HSPG2: variants seen among roughly 807,000 people sequenced by gnomAD.
The protein encoded by HSPG2 is heparan sulfate proteoglycan 2, also known as basement membrane-specific heparan sulfate proteoglycan core protein.
Under a neutral mutation model 526.6 loss-of-function variants are expected in HSPG2, and 278 were observed. The ratio of observed to expected loss-of-function variants is 0.53; its 90% CI spans 0.48 to 0.58. The LOEUF (loss-of-function observed/expected upper bound fraction) is 0.58, where lower values mean the gene tolerates loss of function less well. Among genes scored for constraint, HSPG2 ranks in the 20% least tolerant of loss-of-function variants. The pLI, the probability that HSPG2 is intolerant of heterozygous loss-of-function variation, is 0.00. For missense variants in HSPG2, 5,354 were observed against 6,099.5 expected (o/e 0.88, Z 4.07); for synonymous variants, 2,465 against 2,555.4 (o/e 0.96, Z 1.07).
Position 21,823,666 on chromosome 1 carries a change from C to G in HSPG2, c.12953G>C (p.Arg4318Pro), listed in dbSNP as rs142762124. ...QVDGEELVSG[R>P]SPGPNVAVNA... ...GACTGCCACGTTGGGACCTGGGGAC[C>G]GGCCGCTGACCAGCTCCTCACCGTC... Residue 4318 changes from arginine to proline, a missense_variant, in exon 96 of 97, where the codon CGG becomes CCG. Coordinates refer to ENST00000374695, the MANE Select transcript of HSPG2 (RefSeq NM_005529.7). The G allele has an allele frequency of 1.4e-4, 231 of 1,613,548 alleles. No individual in the cohort carries two copies. Among genetic ancestry groups the G allele is most frequent in the Non-Finnish European group, 1.8e-4 (213 of 1,179,958 alleles).
chr1:21,885,992 A>G (rs3753781), intron 9 of HSPG2, among the ~76,000 whole-genome samples: 16,054 of 152,286 alleles, frequency 0.11, 1,007 homozygotes, highest in South Asian at 0.19. Flanking sequence ...CTGGTGACCA[A>G]TGTTCTTCCT....
chr1:21,824,905 G>A lies in HSPG2; in HGVS notation c.12590-126C>T. Reference sequence around the variant, plus strand: ...GGGGGCTCCGAGCCTGCAGTCCCTGGGGACCCACGGGGGCTGCCAACAGAA... The same window carrying A: ...GGGGGCTCCGAGCCTGCAGTCCCTGAGGACCCACGGGGGCTGCCAACAGAA... On this transcript the variant is annotated intron_variant, in intron 91 of 96. Coordinates refer to ENST00000374695, the MANE Select transcript of HSPG2 (RefSeq NM_005529.7). This position sits in a 1 kb window ranked among gnomAD's most constrained non-coding sequence, Gnocchi z 5.9. 1 of 835,212 alleles carries A rather than the reference G, an allele frequency of 1.2e-6. No individual in the cohort carries two copies. Among genetic ancestry groups the A allele is most frequent in the Non-Finnish European group, 2.0e-6 (1 of 497,856 alleles). 51.7% of individuals were successfully genotyped at this position (835,212 alleles called of 1,614,324 possible). A position where few individuals can be genotyped will look rare whatever the true frequency, so the allele number is the denominator to read the frequency against.
Position 21,824,774 on chromosome 1 carries a change from G to A in HSPG2, c.12595C>T (p.Pro4199Ser). ...HLEGSGGNDA[P>S]GQYGAYFHDD... Reference sequence around the variant, plus strand: ...TGGAAATAGGCTCCGTACTGCCCAGGGGCATCTGTGGGAGAGAGGAGGGTG... The same window carrying A: ...TGGAAATAGGCTCCGTACTGCCCAGAGGCATCTGTGGGAGAGAGGAGGGTG... Residue 4199 changes from proline (P) to serine (S), a missense_variant, in exon 92 of 97, where the codon CCT becomes TCT. Transcript: ENST00000374695. This position sits in a 1 kb window ranked among gnomAD's most constrained non-coding sequence, Gnocchi z 5.9. 6.2e-7 allele frequency: 1 copy of A among 1,611,936 alleles called. No homozygotes were observed. The highest frequency in any genetic ancestry group is 1.7e-5 in the Admixed American group (1 of 59,790).
At position 21,823,447 on chromosome 1, in the gene HSPG2, A is replaced by G; in HGVS notation, c.13045T>C (p.Ser4349Pro). 1 of 1,594,078 alleles carries G rather than the reference A, an allele frequency of 6.3e-7. No homozygotes were observed. Residue 4349 changes from serine to proline, a missense_variant, in exon 97 of 97, where the codon TCC (serine) becomes CCC (proline). Transcript: ENST00000374695. The part of the protein sequence containing the change: ...DVATLTGGRF[S>P]SGITGCVKNL... ...TTGACACAGCCTGTGATGCCTGAGG[A>G]GAATCTGCCCCCGGTCAGCGTGGCC...
chr1:21,888,638 G>A lies in HSPG2; in HGVS notation c.575-572C>T, dbSNP rs1449195091. ...CAACCTTAACTTCTCTAGGAACCTG[G>A]CTGGGCCTCGGCCTGGCTTACACTC... On this transcript the variant is annotated intron_variant, in intron 6 of 96. Transcript: ENST00000374695. The A allele has an allele frequency of 2.2e-6, 3 of 1,357,572 alleles. No individual in the cohort carries two copies. In the East Asian group the frequency reaches 1.4e-4, roughly 62 times the overall value. 84.1% of individuals were successfully genotyped at this position (1,357,572 alleles called of 1,614,324 possible).
chr1:21,872,153 C>A lies in HSPG2; in HGVS notation c.4221+33G>T. The stretch of plus-strand genomic sequence containing the variant: ...CGCAGAGGTGAACTCATGTCTGAGT[C>A]ACGGCTGACCCTGGTGCTTGGCTGG... On this transcript the variant is annotated intron_variant, in intron 33 of 96. Transcript: ENST00000374695. This position sits in a 1 kb window ranked among gnomAD's most constrained non-coding sequence, Gnocchi z 5.5. 6.4e-7 allele frequency: 1 copy of A among 1,550,508 alleles called. No homozygotes were observed. Among genetic ancestry groups the A allele is most frequent in the South Asian group, 1.2e-5 (1 of 83,978 alleles).
At chr1:21,899,056 G>A (rs1280971496) in intron 1 of HSPG2, among the ~76,000 whole-genome samples, 1 of 152,100 alleles carries the variant, frequency 6.6e-6, no homozygotes, top group Non-Finnish European at 1.5e-5. Flanking sequence ...AGCACGTCGG[G>A]ACTTGGACAG....
chr1:21,850,974 CTTT>C (rs11431222), intron 55 of HSPG2, among the ~76,000 whole-genome samples: 32 of 140,824 alleles, frequency 2.3e-4, no homozygotes, highest in African/African-American at 3.4e-4. Flanking sequence ...CTGTGAGGTA[CTTT>C]TTTTTTTTTT....
Position 21,875,739 on chromosome 1 carries a change from C to T in HSPG2, c.3192G>A (p.Trp1064Ter). The change falls in exon 25 of 97, where the codon TGG becomes TGA. Residue 1064 changes from tryptophan to a stop codon, truncating the protein, a stop_gained. Coordinates refer to ENST00000374695, the MANE Select transcript of HSPG2 (RefSeq NM_005529.7). LOFTEE classifies it high-confidence loss of function. The stretch of plus-strand genomic sequence containing the variant: ...TGGCTGGCTGCCCATCGGGCCGCTG[C>T]CATGCTTGCTGCCAAGGAGAGGACA... ...TFIVPFREQA[W>*]QRPDGQPATR... is the part of the protein sequence containing the mutation. 1 of 1,605,536 alleles carries T rather than the reference C, an allele frequency of 6.2e-7. No homozygotes were observed.
Position 21,874,719 on chromosome 1 carries a change from G to T in HSPG2, c.3425C>A (p.Thr1142Lys). The change falls in exon 27 of 97, where the codon ACA becomes AAA. Residue 1142 changes from threonine to lysine, a missense_variant. Coordinates refer to ENST00000374695, the MANE Select transcript of HSPG2 (RefSeq NM_005529.7). Reference protein sequence around the residue: ...YRGPSCQDCDTGYTRTPSGLY... With the variant: ...YRGPSCQDCDKGYTRTPSGLY... ...GCCACTGGGCGTGCGTGTGTAGCCT[G>T]TGTCACAGTCCTGGGGGCAGAAAGA... 2 of 1,603,098 alleles carry T rather than the reference G, an allele frequency of 1.2e-6. No homozygotes were observed. The highest frequency in any genetic ancestry group is 1.7e-6 in the Non-Finnish European group (2 of 1,174,500).
chr1:21,837,805 A>C (rs868843414), intron 74 of HSPG2, among the ~76,000 whole-genome samples: 1 of 152,082 alleles, frequency 6.6e-6, no homozygotes. Flanking sequence ...CTCAGCCTAC[A>C]TGGTTGGCAT....
At chr1:21,920,280 G>A (rs1398053375) in intron 1 of HSPG2, among the ~76,000 whole-genome samples, 1 of 152,256 alleles carries the variant, frequency 6.6e-6, no homozygotes, top group Non-Finnish European at 1.5e-5. Context: ...CAGAAGGCTA[G>A]AAAGAGGCAG....
In HSPG2 at chr1:21,843,441, G is replaced by A. The variant is rs1180591362; in HGVS notation, c.8617-3C>T. The A allele has an allele frequency of 1.9e-6, 3 of 1,610,386 alleles. No homozygotes were observed. The South Asian group carries it at 3.3e-5, about 18-fold the overall frequency. On this transcript the variant is annotated splice_polypyrimidine_tract_variant and splice_region_variant and intron_variant, in intron 65 of 96. Transcript: ENST00000374695. ...AGCCTCAGCAGTGGGCCGTGGACCT[G>A]GCCAAGGTGGGGTGAGAGCGGGGAG... is the stretch of plus-strand genomic sequence containing the variant.
At chr1:21,829,220 G>A (rs569690192) in intron 87 of HSPG2, 141 bp from the exon 88 acceptor site, 1 of 1,399,128 alleles carries the variant, frequency 7.1e-7, no homozygotes, top group Non-Finnish European at 9.8e-7. Flanking sequence ...GGCTCAGAGA[G>A]GGCTAGGGAT....
At chr1:21,888,309 C>G (rs993076568) in intron 6 of HSPG2, among the ~76,000 whole-genome samples, 17 of 152,356 alleles carry the variant, frequency 1.1e-4, no homozygotes, top group Admixed American at 3.3e-4. Flanking sequence ...ACATGCCACA[C>G]GCATGCAACC....
At chr1:21,844,452 G>A (rs1303305727) in intron 64 of HSPG2, among the ~76,000 whole-genome samples, 153 bp from the exon 65 acceptor site, 3 of 152,216 alleles carry the variant, frequency 2.0e-5, no homozygotes, top group African/African-American at 7.2e-5. Context: ...GGGCTAGCCT[G>A]GGAGGTGGAG....
At chr1:21,914,032 T>C (rs555324796) in intron 1 of HSPG2, among the ~76,000 whole-genome samples, 1 of 152,176 alleles carries the variant, frequency 6.6e-6, no homozygotes, top group African/African-American at 2.4e-5. Context: ...ATCTGGTGTG[T>C]AGAGAGGGCC....
At chr1:21,885,481 G>C (rs773593149) in intron 9 of HSPG2, 30 bp from the exon 10 acceptor site, 1 of 1,613,090 alleles carries the variant, frequency 6.2e-7, no homozygotes, top group Non-Finnish European at 8.5e-7. Flanking sequence ...GTTCCCAATA[G>C]CCCACCCCGT....
chr1:21,887,353 G>A lies in HSPG2; in HGVS notation c.959-19C>T. On this transcript the variant is annotated intron_variant, in intron 8 of 96. Coordinates refer to ENST00000374695, the MANE Select transcript of HSPG2 (RefSeq NM_005529.7). The surrounding 1 kb of genome is among the most constrained non-coding windows in gnomAD (Gnocchi z 5.0). ...GGGGGGCCTAGGAGACCGGGCAGGG[G>A]TCAGCAGCATCCTCCCGGGCCAGCT... is the stretch of plus-strand genomic sequence containing the variant. 2 of 1,613,922 alleles carry A rather than the reference G, an allele frequency of 1.2e-6. No homozygotes were observed. The highest frequency in any genetic ancestry group is 1.7e-6 in the Non-Finnish European group (2 of 1,179,936).
Sources: allele counts gnomAD v4.1 joint callset (sites outside exome capture counted in the v4.1 genomes callset), GRCh38; gene constraint gnomAD v4.1.1; non-coding constraint Gnocchi (gnomAD v3.1); transcripts MANE v1.5; gene names NCBI Gene and HGNC (gene_info 2026-07-23, HGNC 2026-07-21).